Variants in ZNF804B observed in about 807,000 individuals in gnomAD.
ZNF804B encodes the protein zinc finger 804B.
A neutral mutation model predicts 101.4 loss-of-function variants in ZNF804B; 80 were observed. That is an observed-to-expected ratio of 0.79 (90% CI 0.66 to 0.95). ZNF804B has a LOEUF of 0.95. ZNF804B is among the 40% of genes least tolerant of loss of function. The pLI is 0.00. For missense variants in ZNF804B, 1,673 were observed against 1,561.9 expected (o/e 1.07, Z -1.20); for synonymous variants, 622 against 558.8 (o/e 1.11, Z -1.59).
intron 1 of ZNF804B, among the ~76,000 whole-genome samples, chr7:89,046,386 G>A (rs1789107143): frequency 6.6e-6 from 1 of 152,120 alleles, no homozygotes; most frequent in Admixed American, 6.6e-5. Context: ...AAAGACATGG[G>A]ACCATTTGTG....
intron 1 of ZNF804B, among the ~76,000 whole-genome samples, chr7:89,089,097 G>C (rs1789847508): frequency 7.0e-6 from 1 of 142,268 alleles, no homozygotes; most frequent in Non-Finnish European, 1.5e-5. Flanking sequence ...GAGAGCTAAA[G>C]TATAGCATAC....
At chr7:88,975,467 A>C (rs181188981) in intron 1 of ZNF804B, among the ~76,000 whole-genome samples, 2 of 151,386 alleles carry the variant, frequency 1.3e-5, no homozygotes, top group African/African-American at 2.4e-5. Context: ...TAGGAAAAAA[A>C]AAGTGATTTT....
At chr7:89,260,298 A>G (rs1789691686) in intron 2 of ZNF804B, among the ~76,000 whole-genome samples, 1 of 152,176 alleles carries the variant, frequency 6.6e-6, no homozygotes, top group Non-Finnish European at 1.5e-5. Flanking sequence ...TCTTGTCTTA[A>G]ATACTAATGC....
chr7:89,131,976 T>G (rs906071904), intron 1 of ZNF804B, among the ~76,000 whole-genome samples: 5 of 151,986 alleles, frequency 3.3e-5, no homozygotes, highest in African/African-American at 9.7e-5. Flanking sequence ...ATATATAAAC[T>G]GCATAAAGGC....
chr7:88,760,901 A>AAT (rs10539877), intron 1 of ZNF804B, among the ~76,000 whole-genome samples: 3 of 129,702 alleles, frequency 2.3e-5, no homozygotes, highest in African/African-American at 5.4e-5. Flanking sequence ...ATATATAATA[A>AAT]ATATATATAT....
At chr7:88,888,290 G>T (rs1249157542) in intron 1 of ZNF804B, among the ~76,000 whole-genome samples, 2 of 152,088 alleles carry the variant, frequency 1.3e-5, no homozygotes, top group Admixed American at 6.5e-5. Context: ...TACTTGGGAG[G>T]TTGAGGCAAG....
At chr7:89,317,251 A>G (rs531931176) in intron 2 of ZNF804B, among the ~76,000 whole-genome samples, 91 of 152,328 alleles carry the variant, frequency 6.0e-4, no homozygotes, top group African/African-American at 2.0e-3. Context: ...TCTCCTGCCT[A>G]TACTCTTGAT....
At chr7:89,305,871 CT>C in intron 2 of ZNF804B, among the ~76,000 whole-genome samples, 1 of 151,798 alleles carries the variant, frequency 6.6e-6, no homozygotes, top group East Asian at 1.9e-4. Flanking sequence ...AAGATGTGTA[CT>C]TTTTATGGTA....
At chr7:88,774,236 G>A (rs1790111704) in intron 1 of ZNF804B, among the ~76,000 whole-genome samples, 2 of 142,038 alleles carry the variant, frequency 1.4e-5, no homozygotes, top group Admixed American at 1.5e-4. Flanking sequence ...TTGAAACTTC[G>A]GCCACCTCCA....
At chr7:88,876,549 T>C (rs1366012084) in intron 1 of ZNF804B, among the ~76,000 whole-genome samples, 1 of 152,158 alleles carries the variant, frequency 6.6e-6, no homozygotes, top group Non-Finnish European at 1.5e-5. Flanking sequence ...GCCAAACTTT[T>C]CTTATCTATC....
At chr7:88,947,896 C>T (rs1219330135) in intron 1 of ZNF804B, among the ~76,000 whole-genome samples, 1 of 151,832 alleles carries the variant, frequency 6.6e-6, no homozygotes, top group Admixed American at 6.6e-5. Context: ...GGTCATGCAA[C>T]CAATTCTCAA....
chr7:89,155,304 C>G (rs1008314170), intron 1 of ZNF804B, among the ~76,000 whole-genome samples: 1 of 152,122 alleles, frequency 6.6e-6, no homozygotes, highest in Non-Finnish European at 1.5e-5. Context: ...GGAGTTAGCT[C>G]AGATTTTTCC....
At chr7:88,873,668 A>G (rs1451053505) in intron 1 of ZNF804B, among the ~76,000 whole-genome samples, 2 of 152,190 alleles carry the variant, frequency 1.3e-5, no homozygotes, top group Admixed American at 6.5e-5. Flanking sequence ...GAAGGGATCC[A>G]GTTTCAGCTT....
chr7:88,908,655 C>G (rs576471523), intron 1 of ZNF804B, among the ~76,000 whole-genome samples: 1 of 151,798 alleles, frequency 6.6e-6, no homozygotes, highest in East Asian at 1.9e-4. Context: ...TTCAAACACC[C>G]CCACCCACAT....
At chr7:89,201,598 T>C (rs747650103) in intron 1 of ZNF804B, among the ~76,000 whole-genome samples, 45 of 152,014 alleles carry the variant, frequency 3.0e-4, no homozygotes, top group Non-Finnish European at 5.6e-4. Context: ...AAAAGGATCA[T>C]AACTACTACC....
chr7:88,920,126 A>G (rs1412634032), intron 1 of ZNF804B, among the ~76,000 whole-genome samples: 1 of 152,120 alleles, frequency 6.6e-6, no homozygotes, highest in African/African-American at 2.4e-5. Context: ...AAAAAGCAAA[A>G]CAAAACAAAA....
intron 1 of ZNF804B, among the ~76,000 whole-genome samples, chr7:88,854,414 C>CCTTT (rs71120039): frequency 0.063 from 3,607 of 56,974 alleles, 382 homozygotes; most frequent in Middle Eastern, 0.11. Flanking sequence ...TTTCTTTCTT[C>CCTTT]CTTTCTTTCT....
intron 2 of ZNF804B, among the ~76,000 whole-genome samples, chr7:89,252,237 T>C (rs1434304514): frequency 6.6e-6 from 1 of 152,124 alleles, no homozygotes; most frequent in African/African-American, 2.4e-5. Context: ...CCTTAAAAAG[T>C]GTGCAAAAGA....
At chr7:89,185,774 C>T (rs551311793) in intron 1 of ZNF804B, among the ~76,000 whole-genome samples, 2 of 151,986 alleles carry the variant, frequency 1.3e-5, no homozygotes, top group Admixed American at 6.6e-5. Context: ...GCATGAAAAT[C>T]GCGTGAATCC....
Sources: allele counts gnomAD v4.1 joint callset (sites outside exome capture counted in the v4.1 genomes callset), GRCh38; gene constraint gnomAD v4.1.1; transcripts MANE v1.5; gene names NCBI Gene and HGNC (gene_info 2026-07-23, HGNC 2026-07-21).